NKAIN3: variants seen among roughly 807,000 people sequenced by gnomAD.
The protein encoded by NKAIN3 is sodium/potassium transporting ATPase interacting 3.
In NKAIN3, 25 loss-of-function variants were observed where a neutral mutation model predicts 30.2. The ratio of observed to expected loss-of-function variants is 0.83; its 90% CI spans 0.60 to 1.16. The LOEUF (loss-of-function observed/expected upper bound fraction) is 1.16, where lower values mean the gene tolerates loss of function less well. Among genes scored for constraint, NKAIN3 ranks in the 50% most tolerant of loss-of-function variants. The pLI, the probability that NKAIN3 is intolerant of heterozygous loss-of-function variation, is 0.00. For missense variants in NKAIN3, 225 were observed against 254.1 expected (o/e 0.89, Z 0.78); for synonymous variants, 91 against 89.6 (o/e 1.02, Z -0.09).
intron 3 of NKAIN3, among the ~76,000 whole-genome samples, chr8:62,656,291 A>G (rs1812761739): frequency 6.6e-6 from 1 of 152,182 alleles, no homozygotes; most frequent in Non-Finnish European, 1.5e-5. Flanking sequence ...TATGCTTCAG[A>G]GTATTTTTGT....
At chr8:62,949,112 T>G (rs1340160838) in intron 5 of NKAIN3, among the ~76,000 whole-genome samples, 1 of 152,188 alleles carries the variant, frequency 6.6e-6, no homozygotes, top group Admixed American at 6.5e-5. Context: ...TCATGTGACA[T>G]GTAGTGAATT....
chr8:62,501,107 G>T (rs1807437617), intron 1 of NKAIN3, among the ~76,000 whole-genome samples: 1 of 152,014 alleles, frequency 6.6e-6, no homozygotes, highest in Non-Finnish European at 1.5e-5. Flanking sequence ...ACTGGATAGA[G>T]CTGTGAATTT....
At chr8:62,637,277 G>A (rs1392946957) in intron 3 of NKAIN3, among the ~76,000 whole-genome samples, 1 of 152,142 alleles carries the variant, frequency 6.6e-6, no homozygotes, top group Non-Finnish European at 1.5e-5. Flanking sequence ...TTAATGCATG[G>A]ATCAAGCAAG....
intron 1 of NKAIN3, among the ~76,000 whole-genome samples, chr8:62,313,307 A>G (rs998452863): frequency 6.6e-6 from 1 of 152,154 alleles, no homozygotes; most frequent in South Asian, 2.1e-4. Context: ...GATTGAATGA[A>G]GTGAGGTTAT....
At chr8:62,365,775 A>ATT (rs11291354) in intron 1 of NKAIN3, among the ~76,000 whole-genome samples, 68 of 151,878 alleles carry the variant, frequency 4.5e-4, no homozygotes, top group Non-Finnish European at 7.5e-4. Flanking sequence ...TCACTATAAA[A>ATT]TTTTTTTTTT....
At chr8:62,760,012 G>C (rs1816593730) in intron 4 of NKAIN3, among the ~76,000 whole-genome samples, 1 of 151,880 alleles carries the variant, frequency 6.6e-6, no homozygotes, top group Non-Finnish European at 1.5e-5. Flanking sequence ...GCAGCCAATA[G>C]ACACATGAAA....
intron 3 of NKAIN3, among the ~76,000 whole-genome samples, chr8:62,698,313 C>T (rs1363991863): frequency 6.6e-6 from 1 of 152,160 alleles, no homozygotes; most frequent in African/African-American, 2.4e-5. Context: ...TCATGTCCCA[C>T]CCAGTGCTTA....
At position 62,803,020 on chromosome 8, in the gene NKAIN3, C is replaced by T. The variant is rs539513538; in HGVS notation, c.471+55891C>T. 2.0e-4 allele frequency among the ~76,000 whole-genome samples: 30 copies of T among 152,098 alleles called. No individual in the cohort carries two copies. In the South Asian group the frequency reaches 6.2e-3, roughly 32 times the overall value. On this transcript the variant is annotated intron_variant, in intron 4 of 6. Transcript: ENST00000623646. Reference sequence around the variant, plus strand: ...ACAAGATCAAAAGAGACAAAGAAGGCCATTATATAATGGTAAAGGGATCAA... The same window carrying T: ...ACAAGATCAAAAGAGACAAAGAAGGTCATTATATAATGGTAAAGGGATCAA...
chr8:62,303,599 A>G (rs1814127522), intron 1 of NKAIN3, among the ~76,000 whole-genome samples: 1 of 150,610 alleles, frequency 6.6e-6, no homozygotes, highest in African/African-American at 2.5e-5. Flanking sequence ...GCATTGACAG[A>G]CAATCCACTT....
intron 4 of NKAIN3, among the ~76,000 whole-genome samples, chr8:62,779,158 T>C (rs1435161742): frequency 6.6e-6 from 1 of 152,094 alleles, no homozygotes; most frequent in Non-Finnish European, 1.5e-5. Flanking sequence ...AGCTGTGATC[T>C]GTACTAGCTG....
At chr8:62,874,461 T>C (rs1820734982) in intron 4 of NKAIN3, among the ~76,000 whole-genome samples, 1 of 152,214 alleles carries the variant, frequency 6.6e-6, no homozygotes, top group East Asian at 1.9e-4. Context: ...CCCTAAATCA[T>C]TTTATGAAGC....
chr8:62,857,914 G>T (rs563098435), intron 4 of NKAIN3, among the ~76,000 whole-genome samples: 1 of 152,144 alleles, frequency 6.6e-6, no homozygotes, highest in Non-Finnish European at 1.5e-5. Flanking sequence ...GAAGAAAGGG[G>T]GCACTCTGGT....
At chr8:62,934,460 A>C (rs1360824857) in intron 5 of NKAIN3, among the ~76,000 whole-genome samples, 1 of 152,082 alleles carries the variant, frequency 6.6e-6, no homozygotes, top group Non-Finnish European at 1.5e-5. Context: ...AAAAGTTTTT[A>C]TCTGTTAGGG....
intron 1 of NKAIN3, among the ~76,000 whole-genome samples, chr8:62,302,067 G>A (rs1441141740): frequency 2.6e-5 from 4 of 151,958 alleles, no homozygotes; most frequent in Non-Finnish European, 4.4e-5. Context: ...ATTCTACAAG[G>A]CTTCCAAGAT....
intron 4 of NKAIN3, among the ~76,000 whole-genome samples, chr8:62,758,245 G>A (rs1308758120): frequency 6.6e-6 from 1 of 152,068 alleles, no homozygotes; most frequent in Admixed American, 6.6e-5. Flanking sequence ...GGAGACTGAG[G>A]AAACACGACA....
chr8:62,304,475 A>G (rs1003093626), intron 1 of NKAIN3, among the ~76,000 whole-genome samples: 1 of 150,488 alleles, frequency 6.6e-6, no homozygotes, highest in East Asian at 1.9e-4. Context: ...TGGGGGAATA[A>G]TGTGATATTT....
intron 1 of NKAIN3, among the ~76,000 whole-genome samples, chr8:62,515,501 G>T (rs1378876678): frequency 6.6e-6 from 1 of 152,090 alleles, no homozygotes; most frequent in African/African-American, 2.4e-5. Context: ...TTTAGGTTCA[G>T]GGGATACATG....
At chr8:62,660,673 G>A (rs139703351) in intron 3 of NKAIN3, among the ~76,000 whole-genome samples, 141 of 152,306 alleles carry the variant, frequency 9.3e-4, no homozygotes, top group African/African-American at 3.1e-3. Flanking sequence ...TCAAGTCAAA[G>A]GTAGTTAGAT....
intron 4 of NKAIN3, among the ~76,000 whole-genome samples, chr8:62,849,923 A>C (rs1279827851): frequency 6.6e-6 from 1 of 152,162 alleles, no homozygotes; most frequent in East Asian, 1.9e-4. Context: ...ATATGTGTGC[A>C]TGTGTCTTTA....
Sources: allele counts gnomAD v4.1 joint callset (sites outside exome capture counted in the v4.1 genomes callset), GRCh38; gene constraint gnomAD v4.1.1; transcripts MANE v1.5; gene names NCBI Gene and HGNC (gene_info 2026-07-23, HGNC 2026-07-21).